The following TSPAN9 variants were observed in gnomAD, a reference collection of about 807,000 sequenced individuals.
TSPAN9 encodes tetraspanin 9, also known as tetraspanin-9.
In TSPAN9, 16 loss-of-function variants were observed where a neutral mutation model predicts 31.0. That is an observed-to-expected ratio of 0.52 (90% CI 0.35 to 0.78). TSPAN9 has a LOEUF of 0.78. TSPAN9 is among the 30% of genes least tolerant of loss of function. The probability of loss-of-function intolerance (pLI) is 0.01; values close to 1 mark genes in which losing one functional copy is unlikely to be tolerated. For synonymous variants in TSPAN9, 145 were observed against 121.6 expected, an observed-to-expected ratio of 1.19 and a Z score of -1.27; for missense variants, 272 against 312.5, an observed-to-expected ratio of 0.87 and a Z score of 0.98.
intron 2 of TSPAN9, among the ~76,000 whole-genome samples, chr12:3,142,513 A>G (rs116425893): frequency 0.014 from 2,187 of 152,260 alleles, 49 homozygotes; most frequent in African/African-American, 0.049. Flanking sequence ...ATGATTATTT[A>G]TTTGACAGGG....
chr12:3,078,960 G>T (rs1446719610), intron 1 of TSPAN9, among the ~76,000 whole-genome samples: 1 of 147,756 alleles, frequency 6.8e-6, no homozygotes, highest in Non-Finnish European at 1.5e-5. Flanking sequence ...TAATTCATAC[G>T]TAATCTTGTG....
chr12:3,218,442 C>T (rs1318381546), intron 3 of TSPAN9, among the ~76,000 whole-genome samples: 1 of 152,226 alleles, frequency 6.6e-6, no homozygotes, highest in Non-Finnish European at 1.5e-5. Context: ...ACCTTTGGGG[C>T]CTGCAGTGGC....
intron 3 of TSPAN9, among the ~76,000 whole-genome samples, chr12:3,237,838 G>A (rs901460095): frequency 6.6e-6 from 1 of 152,180 alleles, no homozygotes; most frequent in Non-Finnish European, 1.5e-5. Flanking sequence ...TGCCTGCTGC[G>A]AAAGGGCATT....
intron 3 of TSPAN9, among the ~76,000 whole-genome samples, chr12:3,262,161 G>A (rs1006548306): frequency 3.9e-5 from 6 of 152,232 alleles, no homozygotes; most frequent in African/African-American, 1.4e-4. Context: ...GATGGCAGTG[G>A]CACTGCTCCC....
intron 2 of TSPAN9, among the ~76,000 whole-genome samples, chr12:3,181,164 C>T (rs945008308): frequency 6.6e-6 from 1 of 152,096 alleles, no homozygotes; most frequent in African/African-American, 2.4e-5. Flanking sequence ...TAGGCCTCTG[C>T]TTTACTACTC....
chr12:3,256,403 GGAGGCCCT>G (rs1418308250), intron 3 of TSPAN9, among the ~76,000 whole-genome samples: 1 of 152,206 alleles, frequency 6.6e-6, no homozygotes, highest in African/African-American at 2.4e-5. Context: ...CCAGCATGAC[GGAGGCCCT>G]GAGGCCAAGG....
At chr12:3,109,813 A>G (rs1408689522) in intron 2 of TSPAN9, among the ~76,000 whole-genome samples, 1 of 140,622 alleles carries the variant, frequency 7.1e-6, no homozygotes, top group East Asian at 1.9e-4. Context: ...AAAAAAAAAA[A>G]AAGACTTTTT....
chr12:3,101,380 G>A (rs74057514), intron 2 of TSPAN9, among the ~76,000 whole-genome samples: 1 of 152,090 alleles, frequency 6.6e-6, no homozygotes, highest in Non-Finnish European at 1.5e-5. Flanking sequence ...CCAAACCCAC[G>A]TCTGTTGCTT....
chr12:3,181,975 G>A (rs1428078852), intron 2 of TSPAN9, among the ~76,000 whole-genome samples: 1 of 152,164 alleles, frequency 6.6e-6, no homozygotes, highest in African/African-American at 2.4e-5. Flanking sequence ...CACATGTGTT[G>A]TGTGCTTGTG....
At chr12:3,164,201 GT>G (rs1156940247) in intron 2 of TSPAN9, among the ~76,000 whole-genome samples, 1 of 152,208 alleles carries the variant, frequency 6.6e-6, no homozygotes, top group African/African-American at 2.4e-5. Flanking sequence ...TTTCGTATGA[GT>G]TTTTGCTTTC....
chr12:3,116,134 G>T (rs879350209), intron 2 of TSPAN9, among the ~76,000 whole-genome samples: 11 of 152,196 alleles, frequency 7.2e-5, no homozygotes, highest in Non-Finnish European at 7.3e-5. Flanking sequence ...AAAACAACTT[G>T]ATCCCTGCTA....
At chr12:3,158,721 C>CAAAAAAAAAA (rs765787475) in intron 2 of TSPAN9, among the ~76,000 whole-genome samples, 1 of 57,898 alleles carries the variant, frequency 1.7e-5, no homozygotes, top group Non-Finnish European at 2.9e-5. Flanking sequence ...GACTCTGTCT[C>CAAAAAAAAAA]AAAAAAAAAA....
intron 2 of TSPAN9, among the ~76,000 whole-genome samples, chr12:3,154,129 A>G (rs1048216459): frequency 1.1e-4 from 16 of 152,244 alleles, no homozygotes; most frequent in African/African-American, 3.9e-4. Flanking sequence ...GAAGCCAAGC[A>G]TTCTTTCCTA....
rs138711906 is a variant in TSPAN9, at chr12:3,177,721, C to T, written c.-17-23456C>T. Among the ~76,000 whole-genome samples the T allele has an allele frequency of 7.9e-4, 120 of 152,360 alleles. 1 individual carries two copies. In the Middle Eastern group the frequency reaches 0.031, roughly 39 times the overall value. ...GTACTGGGATTACAGGTGTGAGCAACCGCACCCAGCCTTAACCTGCTAGGT... is the reference window on the plus strand; with the variant it reads ...GTACTGGGATTACAGGTGTGAGCAATCGCACCCAGCCTTAACCTGCTAGGT... On this transcript the variant is annotated intron_variant, in intron 2 of 8. Coordinates refer to ENST00000011898, the MANE Select transcript of TSPAN9 (RefSeq NM_006675.5).
intron 3 of TSPAN9, among the ~76,000 whole-genome samples, chr12:3,269,364 CTGTGTTCCTGCAGCCTGCCCTCCG>C (rs1862622885): frequency 1.4e-5 from 1 of 70,276 alleles, no homozygotes; most frequent in Non-Finnish European, 2.9e-5. Flanking sequence ...CCTGCCCTCC[CTGTGTTCCTGCAGCCTGCCCTCCG>C]TGCGTTCCTG....
intron 3 of TSPAN9, among the ~76,000 whole-genome samples, chr12:3,240,523 C>T (rs1022709895): frequency 6.6e-6 from 1 of 152,212 alleles, no homozygotes; most frequent in Non-Finnish European, 1.5e-5. Flanking sequence ...CGTGCTCGAG[C>T]TCACACAGCT....
intron 8 of TSPAN9, among the ~76,000 whole-genome samples, chr12:3,282,509 T>G (rs977460351): frequency 2.0e-4 from 30 of 152,222 alleles, no homozygotes; most frequent in Admixed American, 1.4e-3. Context: ...TCGTCCCACT[T>G]CAGCCTCTCA....
At chr12:3,081,848 A>G (rs1459475970) in intron 1 of TSPAN9, among the ~76,000 whole-genome samples, 4 of 90,138 alleles carry the variant, frequency 4.4e-5, no homozygotes, top group Non-Finnish European at 5.3e-5. Context: ...GTGTGTGTAT[A>G]TATATGCCAG....
chr12:3,102,117 C>T (rs2098312115), intron 2 of TSPAN9, among the ~76,000 whole-genome samples: 1 of 151,242 alleles, frequency 6.6e-6, no homozygotes, highest in South Asian at 2.1e-4. Flanking sequence ...TTTCCCCCTG[C>T]CTTTTTTTCT....
Sources: gnomAD v4.1 joint callset for allele counts (sites outside exome capture counted in the v4.1 genomes callset) on GRCh38, gnomAD v4.1.1 for gene constraint, MANE v1.5 for transcripts, NCBI Gene and HGNC (gene_info 2026-07-23, HGNC 2026-07-21) for gene names.